HERC2: variants seen among roughly 807,000 people sequenced by gnomAD.
HERC2 encodes the protein HECT and RLD domain containing E3 ubiquitin protein ligase 2.
HERC2 carries 102 observed loss-of-function variants against 537.7 expected under a neutral mutation model. The observed-to-expected ratio is 0.19, with a 90% CI of 0.16 to 0.22. The LOEUF (loss-of-function observed/expected upper bound fraction) is 0.22, where lower values mean the gene tolerates loss of function less well. HERC2 is among the 10% of genes least tolerant of loss of function. The probability of loss-of-function intolerance (pLI) is 1.00; values close to 1 mark genes in which losing one functional copy is unlikely to be tolerated. For missense variants in HERC2, 4,236 were observed against 6,198.2 expected, an observed-to-expected ratio of 0.68 and a Z score of 10.63; for synonymous variants, 2,224 against 2,466.2, an observed-to-expected ratio of 0.90 and a Z score of 2.91.
intron 2 of HERC2, among the ~76,000 whole-genome samples, chr15:28,309,851 C>T (rs970887628): frequency 2.0e-5 from 3 of 152,224 alleles, no homozygotes; most frequent in African/African-American, 7.2e-5. Context: ...ACCAAGCCAG[C>T]ATCCTTCAGT....
In HERC2 at chr15:28,125,101, G is replaced by T. The variant is rs1488786033; in HGVS notation, c.12895C>A (p.Gln4299Lys). Residue 4299 changes from glutamine to lysine, a missense_variant, in exon 84 of 93, where the codon CAG (glutamine) becomes AAG (lysine). Gln to Lys is a moderately conservative substitution (Grantham distance 53). Transcript: ENST00000261609. ...GCCACACGGTTGACCTTCTTACCCT[G>T]AAGGGCAGCTACCAACCGAGGCCTC... ...IQRPRLVAAL[Q>K]GKKVNRVACG... is the part of the protein sequence containing the mutation. 6.2e-7 allele frequency: 1 copy of T among 1,614,186 alleles called. No individual in the cohort carries two copies. Among genetic ancestry groups the T allele is most frequent in the East Asian group, 2.2e-5 (1 of 44,884 alleles).
intron 30 of HERC2, among the ~76,000 whole-genome samples, chr15:28,231,059 G>T (rs546347630): frequency 6.6e-6 from 1 of 152,248 alleles, no homozygotes; most frequent in South Asian, 2.1e-4. Context: ...CCCTGGTCCA[G>T]TTCAGTGGTT....
chr15:28,157,600 T>A (rs1243441848), intron 69 of HERC2, among the ~76,000 whole-genome samples: 1 of 152,234 alleles, frequency 6.6e-6, no homozygotes, highest in Non-Finnish European at 1.5e-5. Flanking sequence ...ATCCCCTTTA[T>A]CATTTTTTAT....
intron 2 of HERC2, among the ~76,000 whole-genome samples, chr15:28,318,266 G>T (rs9331441): frequency 6.6e-6 from 1 of 152,058 alleles, no homozygotes; most frequent in Admixed American, 6.6e-5. Context: ...GCTCTGTAAC[G>T]TATTACTCTT....
At chr15:28,127,867 A>C (rs2142132321) in intron 83 of HERC2, among the ~76,000 whole-genome samples, 1 of 152,312 alleles carries the variant, frequency 6.6e-6, no homozygotes, top group South Asian at 2.1e-4. Context: ...ACTCAGATAA[A>C]ACAAATACAT....
At chr15:28,284,611 A>G (rs1394807725) in intron 4 of HERC2, among the ~76,000 whole-genome samples, 1 of 152,174 alleles carries the variant, frequency 6.6e-6, no homozygotes, top group African/African-American at 2.4e-5. Flanking sequence ...CAAATAAAGT[A>G]AACTTCAGAG....
chr15:28,263,677 T>A (rs1257895058), intron 14 of HERC2, among the ~76,000 whole-genome samples: 2 of 152,208 alleles, frequency 1.3e-5, no homozygotes, highest in African/African-American at 2.4e-5. Flanking sequence ...TAAATATTTT[T>A]ATTTTTATGG....
chr15:28,190,011 C>T (rs370958552), intron 55 of HERC2, among the ~76,000 whole-genome samples: 7 of 137,792 alleles, frequency 5.1e-5, no homozygotes, highest in African/African-American at 1.1e-4. Context: ...TTCTTTCTTT[C>T]TTTTTTTTTT....
intron 5 of HERC2, among the ~76,000 whole-genome samples, chr15:28,277,892 G>A (rs1384891707): frequency 1.3e-5 from 2 of 152,078 alleles, no homozygotes; most frequent in African/African-American, 4.8e-5. Context: ...CAAAACCCTA[G>A]GATGCTCAAG....
At chr15:28,278,214 C>T (rs2075927584) in intron 5 of HERC2, among the ~76,000 whole-genome samples, 1 of 152,030 alleles carries the variant, frequency 6.6e-6, no homozygotes, top group South Asian at 2.1e-4. Flanking sequence ...GAGACCTCAG[C>T]TCTACAAAAA....
chr15:28,211,582 G>A lies in HERC2; in HGVS notation c.6926-437C>T, dbSNP rs1243736980. On this transcript the variant is annotated intron_variant, in intron 43 of 92. Coordinates refer to ENST00000261609, the MANE Select transcript of HERC2 (RefSeq NM_004667.6). ...CAAGGCTTATCTGATAGCAGAGGCCGCAGAAGCAGCACAGAGAGCATGGGG... is the reference window on the plus strand; with the variant it reads ...CAAGGCTTATCTGATAGCAGAGGCCACAGAAGCAGCACAGAGAGCATGGGG... Among the ~76,000 whole-genome samples, 6 of 152,100 alleles carry A rather than the reference G, an allele frequency of 3.9e-5. No homozygotes were observed. The East Asian group carries it at 7.7e-4, about 20-fold the overall frequency.
At chr15:28,118,596 C>T (rs1056266666) in intron 86 of HERC2, among the ~76,000 whole-genome samples, 1 of 152,298 alleles carries the variant, frequency 6.6e-6, no homozygotes, top group South Asian at 2.1e-4. Context: ...AGTAAGATGA[C>T]CTGTGTTCTG....
At chr15:28,238,270 G>A in intron 24 of HERC2, 53 bp from the exon 25 acceptor site, 1 of 1,267,276 alleles carries the variant, frequency 7.9e-7, no homozygotes, top group Non-Finnish European at 1.2e-6. Context: ...TGCCTGAAGA[G>A]ATATAGGAGA....
At chr15:28,205,128 G>T (rs115710012) in intron 45 of HERC2, among the ~76,000 whole-genome samples, 1 of 152,122 alleles carries the variant, frequency 6.6e-6, no homozygotes, top group African/African-American at 2.4e-5. Flanking sequence ...ACAGAAAAAA[G>T]ACATTTCATG....
chr15:28,174,491 T>C lies in HERC2; in HGVS notation c.9961A>G (p.Ser3321Gly), dbSNP rs745731459. Residue 3321 changes from serine to glycine, a missense_variant, in exon 65 of 93, where the codon AGT becomes GGT. Transcript: ENST00000261609. The part of the protein sequence containing the change: ...ITRVACGSSH[S>G]VAWTTVDVAT... ...ACATCCACAGTTGTCCACGCCACAC[T>C]GTGGGACGACCCACAAGCCACGCGT... 1 of 1,614,008 alleles carries C rather than the reference T, an allele frequency of 6.2e-7. No homozygotes were observed. The highest frequency in any genetic ancestry group is 8.5e-7 in the Non-Finnish European group (1 of 1,179,898).
rs765009594 is a variant in HERC2 at position 28,111,975 on chromosome 15, A to G, written c.14293T>C (p.Leu4765=). The stretch of plus-strand genomic sequence containing the variant: ...CAGGAATACCTGGGCAGCTTCAGCA[A>G]GAAGAAACAGGTGTAGGACTCAGGG... ...FLPESYTCFF[L]LKLPRYSCKQ... Residue 4765 remains leucine, a synonymous_variant, in exon 93 of 93, where the codon TTG becomes CTG. Transcript: ENST00000261609. The G allele has an allele frequency of 1.2e-6, 2 of 1,614,154 alleles. No homozygotes were observed. Among genetic ancestry groups the G allele is most frequent in the Non-Finnish European group, 8.5e-7 (1 of 1,180,022 alleles).
At chr15:28,274,221 A>AG (rs771449980) in intron 7 of HERC2, 70 bp downstream of exon 7, 2 of 1,532,146 alleles carry the variant, frequency 1.3e-6, no homozygotes, top group Non-Finnish European at 1.8e-6. Flanking sequence ...CTCTAAAGCA[A>AG]GGGTGGTAAG....
rs571340546 is a variant in HERC2 at position 28,241,522 on chromosome 15, C to G, written c.3578-2750G>C. Among the ~76,000 whole-genome samples the G allele has an allele frequency of 5.3e-5, 8 of 152,004 alleles. No homozygotes were observed. The South Asian group carries it at 1.0e-3, about 20-fold the overall frequency. Reference sequence around the variant, plus strand: ...ACCAATTCTACCTCTGGCTATATACCCAAAAGAAGTAAAAGCAGGCCGGGC... The same window carrying G: ...ACCAATTCTACCTCTGGCTATATACGCAAAAGAAGTAAAAGCAGGCCGGGC... On this transcript the variant is annotated intron_variant, in intron 23 of 92. Transcript: ENST00000261609.
intron 45 of HERC2, chr15:28,203,497 A>C (rs1254800073): frequency 1.3e-5 from 2 of 152,116 alleles, no homozygotes; most frequent in Non-Finnish European, 2.9e-5. Context: ...GTTAGGATGC[A>C]CTGGACTAAC....
Sources: gnomAD v4.1 joint callset for allele counts (sites outside exome capture counted in the v4.1 genomes callset) on GRCh38, gnomAD v4.1.1 for gene constraint, MANE v1.5 for transcripts, NCBI Gene and HGNC (gene_info 2026-07-23, HGNC 2026-07-21) for gene names.